MTUS2: variants seen among roughly 807,000 people sequenced by gnomAD.
The protein encoded by MTUS2 is microtubule-associated tumor suppressor candidate 2.
MTUS2 carries 40 observed loss-of-function variants against 114.1 expected under a neutral mutation model. The observed-to-expected ratio is 0.35, with a 90% CI of 0.27 to 0.46. The LOEUF (loss-of-function observed/expected upper bound fraction) is 0.46, where lower values mean the gene tolerates loss of function less well. Among genes scored for constraint, MTUS2 ranks in the 20% least tolerant of loss-of-function variants. The probability of loss-of-function intolerance (pLI) is 1.00; values close to 1 mark genes in which losing one functional copy is unlikely to be tolerated. For synonymous variants in MTUS2, 688 were observed against 672.0 expected (o/e 1.02, Z -0.37); for missense variants, 1,679 against 1,705.4 (o/e 0.98, Z 0.27).
At chr13:28,931,036 C>T (rs1455081862) in intron 2 of MTUS2, among the ~76,000 whole-genome samples, 1 of 152,152 alleles carries the variant, frequency 6.6e-6, no homozygotes, top group Non-Finnish European at 1.5e-5. Flanking sequence ...TGACTTTGGA[C>T]AGGTTCCTTG....
At chr13:29,311,377 G>A (rs1899753670) in intron 6 of MTUS2, among the ~76,000 whole-genome samples, 1 of 152,106 alleles carries the variant, frequency 6.6e-6, no homozygotes, top group South Asian at 2.1e-4. Context: ...GTGTTAAACT[G>A]CACAGATAAG....
intron 1 of MTUS2, among the ~76,000 whole-genome samples, chr13:28,824,562 C>T (rs1187413299): frequency 6.6e-6 from 1 of 152,188 alleles, no homozygotes; most frequent in African/African-American, 2.4e-5. Flanking sequence ...ACCCAGTCAC[C>T]TCTACCTGAA....
In MTUS2 at chr13:29,026,898, C is replaced by G; in HGVS notation, c.2200C>G (p.Gln734Glu). The G allele has an allele frequency of 6.3e-7, 1 of 1,588,386 alleles. No individual in the cohort carries two copies. Among genetic ancestry groups the G allele is most frequent in the African/African-American group, 1.3e-5 (1 of 74,592 alleles). ...CAGTCAAATGAGTGAAAAGTTTTTGCAGGAGGTAAGAGAATGTCATTATGA... is the reference window on the plus strand; with the variant it reads ...CAGTCAAATGAGTGAAAAGTTTTTGGAGGAGGTAAGAGAATGTCATTATGA... ...PFSQMSEKFLQEVTDHPGKEE... is the reference protein window; with the variant it reads ...PFSQMSEKFLEEVTDHPGKEE... Residue 734 changes from glutamine (Q) to glutamate (E), a missense_variant, in exon 3 of 16, where the codon CAG becomes GAG. By Grantham distance (29) the Gln-to-Glu change is conservative. Transcript: ENST00000612955.
intron 5 of MTUS2, among the ~76,000 whole-genome samples, chr13:29,241,954 TC>T (rs1222844675): frequency 6.6e-6 from 1 of 152,200 alleles, no homozygotes. Flanking sequence ...CACTCCCATT[TC>T]CTGCCCGCTC....
rs532415477 is a variant in MTUS2, at chr13:29,250,064, C to G, written c.2645-31640C>G. Reference sequence around the variant, plus strand: ...GAGCTTCTGCACAGCAAAAGATACCCTGTAATTTTCAAAGTAGTTAAAACA... The same window carrying G: ...GAGCTTCTGCACAGCAAAAGATACCGTGTAATTTTCAAAGTAGTTAAAACA... On this transcript the variant is annotated intron_variant, in intron 5 of 15. Transcript: ENST00000612955. Among the ~76,000 whole-genome samples the G allele has an allele frequency of 7.9e-5, 12 of 152,142 alleles. No individual in the cohort carries two copies. The East Asian group carries it at 2.1e-3, about 27-fold the overall frequency.
rs1373570527 is a variant in MTUS2 at position 29,416,448 on chromosome 13, ATATAGCATATATATAGCACATATTATG to A, written c.3118-23519_3118-23493del. On this transcript the variant is annotated intron_variant, in intron 8 of 15. Transcript: ENST00000612955. ...TATATAACATATATGTAGCACATAT[ATATAGCATATATATAGCACATATTATG>A]TATAGCATATATATATAGCACATAT... 2.0e-5 allele frequency among the ~76,000 whole-genome samples: 3 copies of A among 150,992 alleles called. No individual in the cohort carries two copies. In the East Asian group the frequency reaches 5.8e-4, roughly 29 times the overall value.
intron 5 of MTUS2, among the ~76,000 whole-genome samples, chr13:29,207,709 A>G (rs1350776067): frequency 6.6e-6 from 1 of 152,086 alleles, no homozygotes; most frequent in Non-Finnish European, 1.5e-5. Flanking sequence ...AATTCTGTTT[A>G]TGTGGTGTAT....
intron 2 of MTUS2, among the ~76,000 whole-genome samples, chr13:28,903,248 C>T (rs1879755804): frequency 6.6e-6 from 1 of 151,506 alleles, no homozygotes; most frequent in South Asian, 2.1e-4. Flanking sequence ...CAGTTCTTTT[C>T]TTTCTTATTT....
At chr13:29,479,939 C>T in intron 9 of MTUS2, 1 of 479,880 alleles carries the variant, frequency 2.1e-6, no homozygotes, top group South Asian at 3.8e-5. Context: ...TCCAGACCTC[C>T]ATGAGGCTGC....
intron 2 of MTUS2, among the ~76,000 whole-genome samples, chr13:28,908,961 T>C (rs924057052): frequency 1.3e-5 from 2 of 151,624 alleles, no homozygotes; most frequent in East Asian, 3.9e-4. Flanking sequence ...TTTCCCCATT[T>C]CTTGTTTTTG....
intron 5 of MTUS2, among the ~76,000 whole-genome samples, chr13:29,221,334 A>G (rs1895900158): frequency 6.6e-6 from 1 of 152,372 alleles, no homozygotes; most frequent in Non-Finnish European, 1.5e-5. Flanking sequence ...GTATTTTCCA[A>G]TTAACATTCC....
intron 6 of MTUS2, among the ~76,000 whole-genome samples, chr13:29,310,252 A>G (rs550660047): frequency 3.9e-5 from 6 of 152,346 alleles, no homozygotes; most frequent in African/African-American, 1.2e-4. Flanking sequence ...AGAGAGTTCA[A>G]GTAACCTGCC....
chr13:28,852,235 G>C (rs943351606), intron 2 of MTUS2, among the ~76,000 whole-genome samples: 1 of 152,012 alleles, frequency 6.6e-6, no homozygotes, highest in Non-Finnish European at 1.5e-5. Flanking sequence ...TCTTTATTCT[G>C]ACTTATTTTC....
At chr13:28,932,532 G>C (rs988931448) in intron 2 of MTUS2, among the ~76,000 whole-genome samples, 29 of 152,240 alleles carry the variant, frequency 1.9e-4, no homozygotes, top group Non-Finnish European at 2.6e-4. Context: ...GCCTGGGCTT[G>C]TGCTCAGGTG....
At chr13:28,944,262 T>TGAC (rs1332002898) in intron 2 of MTUS2, among the ~76,000 whole-genome samples, 2 of 152,200 alleles carry the variant, frequency 1.3e-5, no homozygotes, top group East Asian at 3.8e-4. Context: ...TCTGAAAGTA[T>TGAC]GACAGATCAA....
chr13:28,916,309 C>T (rs1880742552), intron 2 of MTUS2, among the ~76,000 whole-genome samples: 2 of 151,560 alleles, frequency 1.3e-5, no homozygotes, highest in South Asian at 4.2e-4. Context: ...GACATATTAG[C>T]GTTGTTTTTT....
chr13:29,221,948 T>C (rs772845229), intron 5 of MTUS2, among the ~76,000 whole-genome samples: 9 of 152,184 alleles, frequency 5.9e-5, no homozygotes, highest in Non-Finnish European at 1.2e-4. Context: ...CATTTTATTT[T>C]CTTTTTAGAG....
At chr13:29,161,316 G>T (rs759949681) in intron 5 of MTUS2, among the ~76,000 whole-genome samples, 1 of 151,900 alleles carries the variant, frequency 6.6e-6, no homozygotes, top group African/African-American at 2.4e-5. Flanking sequence ...AGAAGATTGC[G>T]CCGTATTAAT....
At chr13:29,219,853 G>C (rs1274276820) in intron 5 of MTUS2, among the ~76,000 whole-genome samples, 1 of 152,224 alleles carries the variant, frequency 6.6e-6, no homozygotes, top group Non-Finnish European at 1.5e-5. Context: ...GAATTGAAGA[G>C]AGCTGGGATG....
Sources: allele counts gnomAD v4.1 joint callset (sites outside exome capture counted in the v4.1 genomes callset), GRCh38; gene constraint gnomAD v4.1.1; transcripts MANE v1.5; gene names NCBI Gene and HGNC (gene_info 2026-07-23, HGNC 2026-07-21).